The following SPNS1 variants were observed in gnomAD, a reference collection of about 807,000 sequenced individuals.
SPNS1 encodes the protein protein spinster homolog 1.
Under a neutral mutation model 50.3 loss-of-function variants are expected in SPNS1, and 22 were observed. That is an observed-to-expected ratio of 0.44 (90% CI 0.31 to 0.62). The LOEUF (loss-of-function observed/expected upper bound fraction) is 0.62, where lower values mean the gene tolerates loss of function less well. Ranked by LOEUF, SPNS1 falls within the 20% of genes least tolerant of loss-of-function variation. SPNS1 has a pLI of 0.07. For synonymous variants in SPNS1, 295 were observed against 317.4 expected (o/e 0.93, Z 0.75); for missense variants, 576 against 728.6 (o/e 0.79, Z 2.41).
At position 28,983,901 on chromosome 16, in the gene SPNS1, T is replaced by C. The variant is rs1302132588; in HGVS notation, c.1436T>C (p.Leu479Pro). The change falls in exon 11 of 12, where the codon CTG becomes CCG. Residue 479 changes from leucine (L) to proline (P), a missense_variant. This residue lies in a region of SPNS1 where 428 missense variants were observed against 520.1 expected (regional missense o/e 0.82). Coordinates refer to ENST00000311008, the MANE Select transcript of SPNS1 (RefSeq NM_032038.3). This position sits in a 1 kb window ranked among gnomAD's most constrained non-coding sequence, Gnocchi z 5.4. ...GGGGCACTGGGCGGCGCAGCCTTCC[T>C]GGGCACCGCCATCTTCATTGAGGCC... Reference protein sequence around the residue: ...FVGALGGAAFLGTAIFIEADR... With the variant: ...FVGALGGAAFPGTAIFIEADR... The C allele has an allele frequency of 6.2e-7, 1 of 1,600,468 alleles. No individual in the cohort carries two copies. Among genetic ancestry groups the C allele is most frequent in the African/African-American group, 1.3e-5 (1 of 74,996 alleles).
chr16:28,979,230 C>G lies in SPNS1; in HGVS notation c.520C>G (p.Leu174Val). 6.2e-7 allele frequency: 1 copy of G among 1,614,196 alleles called. No individual in the cohort carries two copies. Among genetic ancestry groups the G allele is most frequent in the Non-Finnish European group, 8.5e-7 (1 of 1,180,032 alleles). ...EASYSTIAPT[L>V]IADLFVADQR... is the part of the protein sequence containing the mutation. ...CAGTTATTCCACCATCGCGCCCACT[C>G]TCATTGCCGACCTCTTTGTGGCCGA... is the stretch of plus-strand genomic sequence containing the variant. Residue 174 changes from leucine to valine, a missense_variant, in exon 4 of 12, where the codon CTC becomes GTC. Transcript: ENST00000311008.
In SPNS1 at chr16:28,979,407, G is replaced by A. The variant is rs746583961; in HGVS notation, c.599G>A (p.Gly200Asp). ...IFYFAIPVGS[G>D]LGYIAGSKVK... ...TTTCCCCTCTCTCCCTCCCACAGTG[G>A]TCTGGGCTACATTGCAGGCTCCAAA... Residue 200 changes from glycine (G) to aspartate (D), a missense_variant and splice_region_variant, in exon 5 of 12, where the codon GGT becomes GAT. Physicochemically the swap from Gly to Asp is moderately conservative, Grantham distance 94. This residue lies in a region of SPNS1 where 428 missense variants were observed against 520.1 expected (regional missense o/e 0.82). Transcript: ENST00000311008. The A allele has an allele frequency of 1.9e-6, 3 of 1,614,008 alleles. No individual in the cohort carries two copies. Among genetic ancestry groups the A allele is most frequent in the Non-Finnish European group, 2.5e-6 (3 of 1,180,038 alleles).
In SPNS1 at chr16:28,981,762, G is replaced by A; in HGVS notation, c.810-139G>A. On this transcript the variant is annotated intron_variant, in intron 6 of 11. Coordinates refer to ENST00000311008, the MANE Select transcript of SPNS1 (RefSeq NM_032038.3). The surrounding 1 kb of genome is among the most constrained non-coding windows in gnomAD (Gnocchi z 4.2). ...CCTTGTGGCAGCTGCTTGAATTACAGGCCCAGATCCTGGGAGCCAGAACCA... is the reference window on the plus strand; with the variant it reads ...CCTTGTGGCAGCTGCTTGAATTACAAGCCCAGATCCTGGGAGCCAGAACCA... The A allele has an allele frequency of 1.3e-6, 2 of 1,486,406 alleles. No individual in the cohort carries two copies. The highest frequency in any genetic ancestry group is 1.8e-6 in the Non-Finnish European group (2 of 1,093,680). The allele number at this position is 1,486,406 out of a possible 1,614,324, so 92.1% of individuals were successfully genotyped here. A position where few individuals can be genotyped will look rare whatever the true frequency, so the allele number is the denominator to read the frequency against.
chr16:28,984,446 CA>C lies in SPNS1; in HGVS notation c.*148del. The C allele has an allele frequency of 2.5e-6, 2 of 813,430 alleles. No homozygotes were observed. Among genetic ancestry groups the C allele is most frequent in the African/African-American group, 3.4e-5 (2 of 59,372 alleles). The allele number at this position is 813,430 out of a possible 1,614,324, so 50.4% of individuals were successfully genotyped here. The stretch of plus-strand genomic sequence containing the variant: ...GCTCCCAGACACTACCTGGGTAGCT[CA>C]GGGGAGGAGGTGGGGGTCCAGGAGG... On this transcript the variant is annotated 3_prime_UTR_variant, in exon 12 of 12. Transcript: ENST00000311008.
At position 28,981,869 on chromosome 16, in the gene SPNS1, G is replaced by A. The variant is rs1434374707; in HGVS notation, c.810-32G>A. 1.9e-6 allele frequency: 3 copies of A among 1,611,866 alleles called. No individual in the cohort carries two copies. The African/African-American group carries it at 4.0e-5, about 22-fold the overall frequency. On this transcript the variant is annotated intron_variant, in intron 6 of 11. Transcript: ENST00000311008. This position sits in a 1 kb window ranked among gnomAD's most constrained non-coding sequence, Gnocchi z 4.2. Reference sequence around the variant, plus strand: ...CCCTCCTGCCTCGACACCTCCGTGGGGTCTTACTCTCTCCCTCCCAACTAT... The same window carrying A: ...CCCTCCTGCCTCGACACCTCCGTGGAGTCTTACTCTCTCCCTCCCAACTAT...
Position 28,981,902 on chromosome 16 carries a change from C to G in SPNS1, c.811C>G (p.Pro271Ala). The change falls in exon 7 of 12, where the codon CCT (proline) becomes GCT (alanine). Residue 271 changes from proline to alanine, a missense_variant and splice_region_variant. By Grantham distance (27) the Pro-to-Ala change is conservative. Transcript: ENST00000311008. This position sits in a 1 kb window ranked among gnomAD's most constrained non-coding sequence, Gnocchi z 4.2. ...TCTCTCCCTCCCAACTATCTGCAGT[C>G]CTAGTTTCGTCCTGTCTTCCCTGGG... ...WADLRALARNPSFVLSSLGFT... is the reference protein window; with the variant it reads ...WADLRALARNASFVLSSLGFT... 1.2e-6 allele frequency: 2 copies of G among 1,614,166 alleles called. No homozygotes were observed. Among genetic ancestry groups the G allele is most frequent in the Non-Finnish European group, 1.7e-6 (2 of 1,180,022 alleles).
At chr16:28,976,654 C>A (rs1197089167) in intron 2 of SPNS1, among the ~76,000 whole-genome samples, 1 of 152,274 alleles carries the variant, frequency 6.6e-6, no homozygotes, top group Admixed American at 6.5e-5. Context: ...GGAGGCGGAA[C>A]AGGAATTTGA....
chr16:28,975,807 T>C (rs1354567004), intron 2 of SPNS1, among the ~76,000 whole-genome samples: 1 of 152,210 alleles, frequency 6.6e-6, no homozygotes, highest in Non-Finnish European at 1.5e-5. Context: ...CTTCCACTTA[T>C]TGTGTGATGG....
intron 2 of SPNS1, 61 bp from the exon 3 acceptor site, chr16:28,977,847 T>G: frequency 6.3e-7 from 1 of 1,589,780 alleles, no homozygotes; most frequent in East Asian, 2.2e-5. Context: ...TGGTTCCAGC[T>G]GGGGTGGGAG....
chr16:28,977,822 T>G, intron 2 of SPNS1, 86 bp from the exon 3 acceptor site: 2 of 1,531,694 alleles, frequency 1.3e-6, no homozygotes, highest in Non-Finnish European at 1.8e-6. Context: ...AAGGCAGGCA[T>G]CTCCTGTGCT....
At chr16:28,976,484 G>A (rs181110086) in intron 2 of SPNS1, among the ~76,000 whole-genome samples, 17 of 152,264 alleles carry the variant, frequency 1.1e-4, no homozygotes, top group African/African-American at 2.9e-4. Context: ...AGGACTTTGC[G>A]AAGAACTTTT....
At position 28,982,343 on chromosome 16, in the gene SPNS1, C is replaced by G; in HGVS notation, c.966-13C>G. The G allele has an allele frequency of 6.4e-7, 1 of 1,556,000 alleles. No individual in the cohort carries two copies. Among genetic ancestry groups the G allele is most frequent in the Non-Finnish European group, 8.7e-7 (1 of 1,146,516 alleles). ...ACAGGGACAAACCCCCCATTCCCTTCCCTCACCCCTAGTCTCATCTTTGGA... is the reference window on the plus strand; with the variant it reads ...ACAGGGACAAACCCCCCATTCCCTTGCCTCACCCCTAGTCTCATCTTTGGA... On this transcript the variant is annotated splice_polypyrimidine_tract_variant and intron_variant, in intron 7 of 11. Coordinates refer to ENST00000311008, the MANE Select transcript of SPNS1 (RefSeq NM_032038.3).
rs766751965 is a variant in SPNS1 at position 28,984,270 on chromosome 16, C to A, written c.1558C>A (p.Arg520Ser). Reference sequence around the variant, plus strand: ...GGTGCCCCAGCGGGGCCGCTCCACCCGCGTGCCCGTGGCCAGTGTGCTCAT... The same window carrying A: ...GGTGCCCCAGCGGGGCCGCTCCACCAGCGTGCCCGTGGCCAGTGTGCTCAT... The part of the protein sequence containing the change: ...IVVPQRGRST[R>S]VPVASVLI The change falls in exon 12 of 12, where the codon CGC becomes AGC. Residue 520 changes from arginine (R) to serine (S), a missense_variant. This residue lies in a region of SPNS1 where 428 missense variants were observed against 520.1 expected (regional missense o/e 0.82). Transcript: ENST00000311008. 1 of 1,612,462 alleles carries A rather than the reference C, an allele frequency of 6.2e-7. No individual in the cohort carries two copies. The highest frequency in any genetic ancestry group is 2.2e-5 in the East Asian group (1 of 44,862).
intron 1 of SPNS1, 25 bp from the exon 2 acceptor site, chr16:28,975,467 G>A (rs1965310686): frequency 2.5e-6 from 4 of 1,614,092 alleles, no homozygotes; most frequent in Admixed American, 3.3e-5. Flanking sequence ...CTGCTTTGCC[G>A]GACCATCCTG....
chr16:28,980,126 G>C (rs1195048319), intron 5 of SPNS1: 2 of 151,708 alleles, frequency 1.3e-5, no homozygotes, highest in African/African-American at 4.8e-5. Flanking sequence ...AGGAGTTCTA[G>C]GCCAGCTTGA....
In SPNS1 at chr16:28,981,864, C is replaced by A; in HGVS notation, c.810-37C>A. The A allele has an allele frequency of 6.2e-7, 1 of 1,611,352 alleles. No individual in the cohort carries two copies. Among genetic ancestry groups the A allele is most frequent in the Non-Finnish European group, 8.5e-7 (1 of 1,178,264 alleles). ...AGGTCCCCTCCTGCCTCGACACCTC[C>A]GTGGGGTCTTACTCTCTCCCTCCCA... is the stretch of plus-strand genomic sequence containing the variant. On this transcript the variant is annotated intron_variant, in intron 6 of 11. Coordinates refer to ENST00000311008, the MANE Select transcript of SPNS1 (RefSeq NM_032038.3). This position sits in a 1 kb window ranked among gnomAD's most constrained non-coding sequence, Gnocchi z 4.2.
intron 4 of SPNS1, 43 bp downstream of exon 4, chr16:28,979,349 GTGGGGGAC>G (rs1965462054): frequency 1.2e-6 from 2 of 1,614,094 alleles, no homozygotes; most frequent in Non-Finnish European, 1.7e-6. Context: ...AGGGCCTGGT[GTGGGGGAC>G]TGGACTGACT....
rs1279053727 is a variant in SPNS1 at position 28,975,340 on chromosome 16, G to A, written c.189G>A (p.Ala63=). The change falls in exon 1 of 12, where the codon GCG becomes GCA. Residue 63 remains alanine, a synonymous_variant. Coordinates refer to ENST00000311008, the MANE Select transcript of SPNS1 (RefSeq NM_032038.3). ...LSPGRSALIV[A]VLCYINLLNY... ...CCGGCCGTTCGGCTCTCATAGTGGCGGTGCTGTGCTACATCAATCTCCTGA... is the reference window on the plus strand; with the variant it reads ...CCGGCCGTTCGGCTCTCATAGTGGCAGTGCTGTGCTACATCAATCTCCTGA... 36 of 1,582,524 alleles carry A rather than the reference G, an allele frequency of 2.3e-5. No homozygotes were observed. Among genetic ancestry groups the A allele is most frequent in the Non-Finnish European group, 3.0e-5 (35 of 1,158,944 alleles).
Position 28,975,186 on chromosome 16 carries a change from A to C in SPNS1, c.35A>C (p.Gln12Pro). 6 of 1,495,852 alleles carry C rather than the reference A, an allele frequency of 4.0e-6. No homozygotes were observed. Among genetic ancestry groups the C allele is most frequent in the Non-Finnish European group, 5.3e-6 (6 of 1,122,164 alleles). 92.7% of individuals were successfully genotyped at this position (1,495,852 alleles called of 1,614,324 possible). A position where few individuals can be genotyped will look rare whatever the true frequency, so the allele number is the denominator to read the frequency against. The change falls in exon 1 of 12, where the codon CAG (glutamine) becomes CCG (proline). Residue 12 changes from glutamine (Q) to proline (P), a missense_variant. Around this residue, in one of 3 missense-constraint regions of SPNS1, gnomAD observed 144 missense variants for 181.2 expected, o/e 0.79. Transcript: ENST00000311008. ...AGSDTAPFLS[Q>P]ADDPDDGPVP... ...TCCGACACCGCGCCCTTCCTCAGCCAGGCGGATGACCCGGACGACGGGCCA... is the reference window on the plus strand; with the variant it reads ...TCCGACACCGCGCCCTTCCTCAGCCCGGCGGATGACCCGGACGACGGGCCA...
Sources: allele counts gnomAD v4.1 joint callset (sites outside exome capture counted in the v4.1 genomes callset), GRCh38; gene constraint gnomAD v4.1.1; regional missense constraint gnomAD v4.1.1; non-coding constraint Gnocchi (gnomAD v3.1); transcripts MANE v1.5; gene names NCBI Gene and HGNC (gene_info 2026-07-23, HGNC 2026-07-21).